FNDC3A: variants seen among roughly 807,000 people sequenced by gnomAD.
The protein encoded by FNDC3A is fibronectin type-III domain-containing protein 3A.
A neutral mutation model predicts 148.9 loss-of-function variants in FNDC3A; 32 were observed. The observed-to-expected ratio is 0.21, with a 90% confidence interval of 0.16 to 0.29. The LOEUF (loss-of-function observed/expected upper bound fraction) is 0.29. Among genes scored for constraint, FNDC3A ranks in the 10% least tolerant of loss-of-function variants. The pLI, the probability that FNDC3A is intolerant of heterozygous loss-of-function variation, is 1.00. For missense variants in FNDC3A, 1,191 were observed against 1,452.8 expected (o/e 0.82, Z 2.93); for synonymous variants, 472 against 473.6 (o/e 1.00, Z 0.04).
chr13:49,135,657 T>C (rs1882312476), intron 5 of FNDC3A, among the ~76,000 whole-genome samples: 1 of 152,192 alleles, frequency 6.6e-6, no homozygotes, highest in Non-Finnish European at 1.5e-5. Flanking sequence ...AAAATATTTT[T>C]CTCATCACAA....
chr13:49,110,325 A>G (rs1408615439), intron 3 of FNDC3A: 21 of 1,572,498 alleles, frequency 1.3e-5, no homozygotes, highest in African/African-American at 2.8e-5. Flanking sequence ...CCGTTCTCCA[A>G]TTAAAGCTGT....
chr13:49,200,240 G>A (rs1886360744), intron 23 of FNDC3A, among the ~76,000 whole-genome samples: 1 of 151,996 alleles, frequency 6.6e-6, no homozygotes, highest in South Asian at 2.1e-4. Flanking sequence ...AAATATTCAT[G>A]GTGCTTGTAC....
intron 6 of FNDC3A, 77 bp from the exon 7 acceptor site, chr13:49,138,670 G>A: frequency 1.5e-6 from 1 of 658,402 alleles, no homozygotes; most frequent in African/African-American, 1.8e-5. Context: ...CCTAGTTTCA[G>A]AATACATATT....
intron 20 of FNDC3A, 97 bp from the exon 21 acceptor site, chr13:49,197,628 A>G: frequency 1.1e-6 from 1 of 944,836 alleles, no homozygotes; most frequent in Non-Finnish European, 1.6e-6. Flanking sequence ...CTCAAAAGCA[A>G]TCTAGTTTTA....
intron 3 of FNDC3A, chr13:49,110,320 C>T (rs1880477711): frequency 6.5e-7 from 1 of 1,545,844 alleles, no homozygotes; most frequent in Non-Finnish European, 8.7e-7. Context: ...AAAAGCCGTT[C>T]TCCAATTAAA....
intron 10 of FNDC3A, among the ~76,000 whole-genome samples, chr13:49,171,198 A>G (rs183671412): frequency 6.6e-6 from 1 of 152,334 alleles, no homozygotes; most frequent in Admixed American, 6.5e-5. Flanking sequence ...GCGTTTAACA[A>G]ATAATTTAGA....
chr13:49,013,752 C>A (rs1159351783), intron 2 of FNDC3A, among the ~76,000 whole-genome samples: 2 of 110,644 alleles, frequency 1.8e-5, no homozygotes, highest in South Asian at 8.0e-4. Flanking sequence ...CCCCCCTCCC[C>A]CCACCCCACA....
intron 10 of FNDC3A, among the ~76,000 whole-genome samples, chr13:49,171,778 A>AT (rs1566304165): frequency 6.6e-6 from 1 of 152,204 alleles, no homozygotes; most frequent in African/African-American, 2.4e-5. Flanking sequence ...TTTTTTAAAG[A>AT]CTTTTTCAAG....
intron 3 of FNDC3A, among the ~76,000 whole-genome samples, chr13:49,101,364 C>G (rs1879845779): frequency 6.6e-6 from 1 of 152,100 alleles, no homozygotes; most frequent in Non-Finnish European, 1.5e-5. Flanking sequence ...CACTTTAATA[C>G]TGCCACAAGA....
chr13:49,135,675 A>G (rs996515170), intron 5 of FNDC3A, among the ~76,000 whole-genome samples: 1 of 152,202 alleles, frequency 6.6e-6, no homozygotes, highest in Non-Finnish European at 1.5e-5. Flanking sequence ...CAAATTTTAA[A>G]TTTAAAAAAC....
At chr13:49,075,107 C>T (rs1031751462) in intron 2 of FNDC3A, among the ~76,000 whole-genome samples, 182 bp from the exon 3 acceptor site, 2 of 152,026 alleles carry the variant, frequency 1.3e-5, no homozygotes, top group African/African-American at 4.8e-5. Context: ...TTTTGGCTTA[C>T]GTCTAACCTC....
intron 5 of FNDC3A, among the ~76,000 whole-genome samples, chr13:49,134,807 T>A (rs1438641936): frequency 7.8e-6 from 1 of 128,230 alleles, no homozygotes; most frequent in African/African-American, 2.9e-5. Flanking sequence ...TTTCCTTTTT[T>A]TTTTTTTTTT....
In FNDC3A at chr13:49,186,019, C is replaced by T. The variant is rs765669733; in HGVS notation, c.1673C>T (p.Thr558Ile). The T allele has an allele frequency of 6.2e-7, 1 of 1,611,734 alleles. No homozygotes were observed. Among genetic ancestry groups the T allele is most frequent in the Non-Finnish European group, 8.5e-7 (1 of 1,178,078 alleles). Reference sequence around the variant, plus strand: ...AATCCAAGTGAAGTAGTAGAATTTACTACTTGCCCTGATAAACCAGGCATA... The same window carrying T: ...AATCCAAGTGAAGTAGTAGAATTTATTACTTGCCCTGATAAACCAGGCATA... Reference protein sequence around the residue: ...KSNPSEVVEFTTCPDKPGIPV... With the variant: ...KSNPSEVVEFITCPDKPGIPV... Residue 558 changes from threonine (T) to isoleucine (I), a missense_variant, in exon 15 of 26, where the codon ACT becomes ATT. Thr to Ile is a moderately conservative substitution (Grantham distance 89). Coordinates refer to ENST00000492622, the MANE Select transcript of FNDC3A (RefSeq NM_001079673.2).
intron 2 of FNDC3A, among the ~76,000 whole-genome samples, chr13:49,057,250 C>T (rs752742941): frequency 2.0e-5 from 3 of 152,190 alleles, no homozygotes; most frequent in Non-Finnish European, 4.4e-5. Context: ...AGCTTTCTTA[C>T]GTCCTTCTGT....
chr13:48,990,028 G>A (rs1951883467), intron 1 of FNDC3A, among the ~76,000 whole-genome samples: 1 of 152,060 alleles, frequency 6.6e-6, no homozygotes, highest in Admixed American at 6.6e-5. Context: ...GGGATTATAG[G>A]CGTGAACCAC....
chr13:49,100,127 T>C (rs1879772001), intron 3 of FNDC3A, among the ~76,000 whole-genome samples: 1 of 152,170 alleles, frequency 6.6e-6, no homozygotes, highest in Admixed American at 6.6e-5. Context: ...ATTACTCCAA[T>C]ATTCAGATAC....
chr13:49,017,702 G>A lies in FNDC3A; in HGVS notation c.99+11413G>A, dbSNP rs537677055. Among the ~76,000 whole-genome samples, 7 of 152,010 alleles carry A rather than the reference G, an allele frequency of 4.6e-5. No individual in the cohort carries two copies. In the East Asian group the frequency reaches 1.2e-3, roughly 25 times the overall value. ...ATGCAGTTTCTTCCTATTCTCGATG[G>A]TCTTTACATTTTGGCATGATTTTGC... On this transcript the variant is annotated intron_variant, in intron 2 of 25. Transcript: ENST00000492622.
At chr13:49,085,011 C>T (rs576759760) in intron 3 of FNDC3A, among the ~76,000 whole-genome samples, 1 of 152,144 alleles carries the variant, frequency 6.6e-6, no homozygotes, top group East Asian at 1.9e-4. Flanking sequence ...ACCTCATTTC[C>T]TCAAGTACCT....
chr13:49,135,441 A>G (rs9568154), intron 5 of FNDC3A, among the ~76,000 whole-genome samples: 64,801 of 151,858 alleles, frequency 0.43, 14,529 homozygotes, highest in East Asian at 0.53. Context: ...GGTCATAGAG[A>G]CGTGTTTTCT....
Sources: gnomAD v4.1 joint callset for allele counts (sites outside exome capture counted in the v4.1 genomes callset) on GRCh38, gnomAD v4.1.1 for gene constraint, MANE v1.5 for transcripts, NCBI Gene and HGNC (gene_info 2026-07-23, HGNC 2026-07-21) for gene names.